RAD51B: variants seen among roughly 807,000 people sequenced by gnomAD.
The protein encoded by RAD51B is DNA repair protein RAD51 homolog 2.
Under a neutral mutation model 42.2 loss-of-function variants are expected in RAD51B, and 38 were observed. That is an observed-to-expected ratio of 0.90 (90% confidence interval 0.70 to 1.18). The LOEUF (loss-of-function observed/expected upper bound fraction) is 1.18. Among genes scored for constraint, RAD51B ranks in the 50% most tolerant of loss-of-function variants. The probability of loss-of-function intolerance (pLI) is 0.00; values close to 1 mark genes in which losing one functional copy is unlikely to be tolerated. For missense variants in RAD51B, 373 were observed against 400.7 expected (o/e 0.93, Z 0.59); for synonymous variants, 154 against 145.2 (o/e 1.06, Z -0.43).
chr14:68,533,114 C>T (rs193008371), intron 10 of RAD51B, among the ~76,000 whole-genome samples: 1 of 152,190 alleles, frequency 6.6e-6, no homozygotes, highest in African/African-American at 2.4e-5. Context: ...ACAGACAAAC[C>T]TATCTTTCTT....
intron 7 of RAD51B, among the ~76,000 whole-genome samples, chr14:67,970,934 A>G (rs1195113424): frequency 6.6e-6 from 1 of 152,152 alleles, no homozygotes; most frequent in Non-Finnish European, 1.5e-5. Flanking sequence ...ACTGGTGAAC[A>G]AAACTAACAG....
At chr14:68,439,865 G>A (rs978499266) in intron 9 of RAD51B, among the ~76,000 whole-genome samples, 13 of 152,210 alleles carry the variant, frequency 8.5e-5, no homozygotes, top group African/African-American at 3.1e-4. Context: ...TCCAGGGTCT[G>A]TATGCACACA....
At chr14:68,514,003 A>G (rs2140317633) in intron 10 of RAD51B, among the ~76,000 whole-genome samples, 1 of 152,314 alleles carries the variant, frequency 6.6e-6, no homozygotes, top group East Asian at 1.9e-4. Flanking sequence ...AAGTTAACAC[A>G]CACAAAGCAC....
intron 7 of RAD51B, among the ~76,000 whole-genome samples, chr14:68,059,752 C>T (rs1443552386): frequency 6.6e-6 from 1 of 152,092 alleles, no homozygotes; most frequent in African/African-American, 2.4e-5. Flanking sequence ...ATGTCTTTTT[C>T]CCTCAGGAGA....
chr14:68,486,828 A>G (rs1883659247), intron 10 of RAD51B, among the ~76,000 whole-genome samples: 1 of 152,202 alleles, frequency 6.6e-6, no homozygotes, highest in Non-Finnish European at 1.5e-5. Context: ...TCAAGCACAC[A>G]GGGTTTAGTG....
intron 5 of RAD51B, among the ~76,000 whole-genome samples, chr14:67,870,986 A>G (rs2042509309): frequency 6.6e-6 from 1 of 151,380 alleles, no homozygotes; most frequent in African/African-American, 2.4e-5. Context: ...AGAAAGCAGG[A>G]AAGATCCAAA....
chr14:68,548,811 G>A (rs1033288042), intron 10 of RAD51B, among the ~76,000 whole-genome samples: 19 of 152,140 alleles, frequency 1.2e-4, no homozygotes, highest in African/African-American at 4.3e-4. Context: ...GATGAAGTGG[G>A]GGCTGCCCGA....
At position 68,625,717 on chromosome 14, in the gene RAD51B, T is replaced by C. The variant is rs74777086; in HGVS notation, c.1037-25064T>C. Among the ~76,000 whole-genome samples the C allele has an allele frequency of 3.0e-3, 464 of 152,320 alleles. 3 individuals are homozygous for C. The highest frequency in any genetic ancestry group is 3.2e-3 in the Non-Finnish European group (219 of 68,024). ...ACATCCATGTCCCTAGATGGGCAGA[T>C]GGGGGAGGTCTTGAACATGTGTCCT... On this transcript the variant is annotated intron_variant, in intron 10 of 11. Coordinates refer to the RAD51B transcript ENST00000488612.
intron 7 of RAD51B, among the ~76,000 whole-genome samples, chr14:68,144,879 A>C (rs1426527876): frequency 1.3e-5 from 2 of 152,148 alleles, no homozygotes; most frequent in Non-Finnish European, 2.9e-5. Context: ...TACTATATAA[A>C]GTCTTTTTTA....
chr14:67,886,908 G>A, intron 6 of RAD51B, 113 bp from the exon 7 acceptor site: 1 of 663,348 alleles, frequency 1.5e-6, no homozygotes, highest in South Asian at 3.1e-5. Context: ...AATCATTACT[G>A]TAACTTAGGA....
chr14:68,353,159 A>G (rs914603778), intron 8 of RAD51B, among the ~76,000 whole-genome samples: 1 of 152,168 alleles, frequency 6.6e-6, no homozygotes, highest in Non-Finnish European at 1.5e-5. Context: ...CAGGAGGAAC[A>G]CATATCCCAA....
chr14:68,049,823 G>A (rs1164979169), intron 7 of RAD51B, among the ~76,000 whole-genome samples: 1 of 152,092 alleles, frequency 6.6e-6, no homozygotes, highest in Non-Finnish European at 1.5e-5. Context: ...TTTCTCTTGT[G>A]TCATTCCTCT....
chr14:68,654,298 G>A (rs757236771), intron 11 of RAD51B, among the ~76,000 whole-genome samples: 1 of 152,252 alleles, frequency 6.6e-6, no homozygotes, highest in Non-Finnish European at 1.5e-5. Context: ...TATCCCAGAA[G>A]CATTCTGGAG....
intron 10 of RAD51B, among the ~76,000 whole-genome samples, chr14:68,620,961 G>C (rs989432597): frequency 6.6e-6 from 1 of 152,202 alleles, no homozygotes; most frequent in African/African-American, 2.4e-5. Flanking sequence ...TTTCCACTTA[G>C]ATTGCATGTT....
At chr14:67,976,195 C>T (rs969644078) in intron 7 of RAD51B, among the ~76,000 whole-genome samples, 7 of 151,888 alleles carry the variant, frequency 4.6e-5, no homozygotes, top group Non-Finnish European at 7.4e-5. Flanking sequence ...TGGCTCACTG[C>T]AGCCTGGACC....
At chr14:67,823,448 T>A in intron 1 of RAD51B, 94 bp from the exon 2 acceptor site, 1 of 984,382 alleles carries the variant, frequency 1.0e-6, no homozygotes, top group Non-Finnish European at 1.5e-6. Flanking sequence ...ACTTGAGGAA[T>A]TTTTAATTTT....
chr14:68,392,821 C>T (rs1218936559), intron 8 of RAD51B, among the ~76,000 whole-genome samples: 1 of 152,202 alleles, frequency 6.6e-6, no homozygotes, highest in African/African-American at 2.4e-5. Context: ...TGCCCTTTCC[C>T]CTCCAGCCTG....
At chr14:68,260,500 T>C (rs1209334259) in intron 7 of RAD51B, among the ~76,000 whole-genome samples, 2 of 152,038 alleles carry the variant, frequency 1.3e-5, no homozygotes, top group Non-Finnish European at 2.9e-5. Flanking sequence ...GAAAGCTGTA[T>C]TATTATGGTT....
At chr14:67,904,538 G>A (rs926817848) in intron 7 of RAD51B, among the ~76,000 whole-genome samples, 12 of 136,532 alleles carry the variant, frequency 8.8e-5, no homozygotes, top group Non-Finnish European at 3.1e-5. Flanking sequence ...TTGAGATGGA[G>A]TCTTGCTCTG....
Sources: gnomAD v4.1 joint callset for allele counts (sites outside exome capture counted in the v4.1 genomes callset) on GRCh38, gnomAD v4.1.1 for gene constraint, MANE v1.5 for transcripts, NCBI Gene and HGNC (gene_info 2026-07-23, HGNC 2026-07-21) for gene names.